Variants in TET1 observed in about 807,000 individuals in gnomAD.
The protein encoded by TET1 is methylcytosine dioxygenase TET1.
In TET1, 13 loss-of-function variants were observed where a neutral mutation model predicts 148.7. That is an observed-to-expected ratio of 0.09 (90% CI 0.06 to 0.14). The LOEUF is 0.14. Ranked by LOEUF, TET1 falls within the 10% of genes least tolerant of loss-of-function variation. The pLI, the probability that TET1 is intolerant of heterozygous loss-of-function variation, is 1.00. For missense variants in TET1, 2,182 were observed against 2,553.8 expected (o/e 0.85, Z 3.14); for synonymous variants, 907 against 937.2 (o/e 0.97, Z 0.59).
chr10:68,578,345 A>T (rs1424810596), intron 2 of TET1, among the ~76,000 whole-genome samples: 1 of 151,718 alleles, frequency 6.6e-6, no homozygotes, highest in Non-Finnish European at 1.5e-5. Context: ...TGCGACCTCC[A>T]CCTCCCGGGT....
intron 2 of TET1, among the ~76,000 whole-genome samples, chr10:68,597,730 G>A (rs550859580): frequency 6.6e-6 from 1 of 152,126 alleles, no homozygotes; most frequent in Non-Finnish European, 1.5e-5. Flanking sequence ...AACAAAATGT[G>A]TTATGTACAT....
chr10:68,669,458 C>T (rs923285097), intron 7 of TET1, among the ~76,000 whole-genome samples: 84 of 144,686 alleles, frequency 5.8e-4, no homozygotes, highest in Non-Finnish European at 1.2e-3. Context: ...CTACAGGCGC[C>T]TGCCACCATG....
chr10:68,669,507 T>C (rs1336277363), intron 7 of TET1, among the ~76,000 whole-genome samples: 1 of 142,924 alleles, frequency 7.0e-6, no homozygotes, highest in Non-Finnish European at 1.5e-5. Context: ...TTTTTTGTAT[T>C]TTTTGGGGGG....
intron 2 of TET1, among the ~76,000 whole-genome samples, chr10:68,580,967 C>T (rs991861448): frequency 6.6e-6 from 1 of 151,884 alleles, no homozygotes; most frequent in Non-Finnish European, 1.5e-5. Context: ...GACTGTGTCT[C>T]AGAAAATATG....
At chr10:68,610,728 G>T (rs926797337) in intron 3 of TET1, among the ~76,000 whole-genome samples, 1 of 152,060 alleles carries the variant, frequency 6.6e-6, no homozygotes, top group African/African-American at 2.4e-5. Context: ...TGTGATCATG[G>T]CTCACTGCAG....
At chr10:68,624,646 T>C (rs1433539211) in intron 3 of TET1, among the ~76,000 whole-genome samples, 60 of 54,034 alleles carry the variant, frequency 1.1e-3, no homozygotes, top group Admixed American at 5.0e-3. Flanking sequence ...CTTTCTTTCT[T>C]TCTTTCTTTC....
intron 2 of TET1, among the ~76,000 whole-genome samples, chr10:68,576,082 A>G (rs959624391): frequency 6.7e-6 from 1 of 149,374 alleles, no homozygotes; most frequent in African/African-American, 2.5e-5. Flanking sequence ...GAGGCTGGTC[A>G]TGGTGGCTCA....
Position 68,605,563 on chromosome 10 carries a change from G to A in TET1, c.1968+4529G>A, listed in dbSNP as rs2054112656. Among the ~76,000 whole-genome samples, 3 of 152,068 alleles carry A rather than the reference G, an allele frequency of 2.0e-5. 1 individual carries two copies. Among genetic ancestry groups the A allele is most frequent in the Admixed American group, 2.0e-4 (3 of 15,264 alleles). On this transcript the variant is annotated intron_variant, in intron 3 of 11. Transcript: ENST00000373644. ...GAGTCTCACTCTGTCACTAAGGCTG[G>A]AGTGCAGTGGTGCAGTCTTGGCTCA...
intron 3 of TET1, among the ~76,000 whole-genome samples, chr10:68,639,762 C>T (rs529558315): frequency 1.5e-4 from 23 of 151,738 alleles, no homozygotes; most frequent in Non-Finnish European, 2.5e-4. Flanking sequence ...CACCATGCCC[C>T]GCCCTTTCTG....
chr10:68,658,895 T>C (rs1554809542), intron 6 of TET1, among the ~76,000 whole-genome samples: 1 of 152,140 alleles, frequency 6.6e-6, no homozygotes, highest in Non-Finnish European at 1.5e-5. Flanking sequence ...AAATAGTATT[T>C]TAAAAATTAG....
At chr10:68,679,088 A>C (rs1308751870) in intron 8 of TET1, among the ~76,000 whole-genome samples, 1 of 152,036 alleles carries the variant, frequency 6.6e-6, no homozygotes, top group Non-Finnish European at 1.5e-5. Flanking sequence ...GAGGCAGGAG[A>C]ATTGCTTGAA....
At position 68,694,005 on chromosome 10, in the gene TET1, C is replaced by T. The variant is rs751231377; in HGVS notation, c.*2191C>T. The T allele has an allele frequency of 8.7e-6, 2 of 230,674 alleles. No individual in the cohort carries two copies. Among genetic ancestry groups the T allele is most frequent in the African/African-American group, 2.2e-5 (1 of 45,320 alleles). The allele number at this position is 230,674 out of a possible 1,614,324, so 14.3% of individuals were successfully genotyped here. A position where few individuals can be genotyped will look rare whatever the true frequency, so the allele number is the denominator to read the frequency against. On this transcript the variant is annotated 3_prime_UTR_variant, in exon 12 of 12. Transcript: ENST00000373644. ...TAGTAAACTTGAAGAATAAAAACTA[C>T]CCTCAGAAATATTTTTAAAAGAAGT...
At chr10:68,595,506 A>G (rs1037754802) in intron 2 of TET1, among the ~76,000 whole-genome samples, 8 of 151,478 alleles carry the variant, frequency 5.3e-5, no homozygotes, top group African/African-American at 1.9e-4. Flanking sequence ...TTGTACTTAC[A>G]GTTTCTTATC....
At chr10:68,582,748 A>C (rs1316420168) in intron 2 of TET1, among the ~76,000 whole-genome samples, 1 of 152,122 alleles carries the variant, frequency 6.6e-6, no homozygotes, top group Non-Finnish European at 1.5e-5. Context: ...CATATGTTAC[A>C]TATGGCATAT....
At chr10:68,676,266 ATATTTTT>A (rs1423780294) in intron 8 of TET1, among the ~76,000 whole-genome samples, 10 of 16,018 alleles carry the variant, frequency 6.2e-4, no homozygotes, top group African/African-American at 1.7e-3. Context: ...ATATATATAT[ATATTTTT>A]TTTTTTTTTT....
At chr10:68,599,956 C>G (rs2054033100) in intron 2 of TET1, among the ~76,000 whole-genome samples, 1 of 152,166 alleles carries the variant, frequency 6.6e-6, no homozygotes. Flanking sequence ...TTTTCCTTTT[C>G]AGTGGCTTTA....
rs931658683 is a variant in TET1 at position 68,632,734 on chromosome 10, T to C, written c.1969-11964T>C. On this transcript the variant is annotated intron_variant, in intron 3 of 11. Coordinates refer to ENST00000373644, the MANE Select transcript of TET1 (RefSeq NM_030625.3). ...CGGCGGCAGCAGCAATTGAACAATC[T>C]TGAGCATAGAAAAGAAGTCAATGTA... 1.9e-6 allele frequency: 3 copies of C among 1,603,308 alleles called. No homozygotes were observed. The African/African-American group carries it at 4.1e-5, about 22-fold the overall frequency.
intron 2 of TET1, among the ~76,000 whole-genome samples, chr10:68,582,891 G>GA (rs1006870396): frequency 9.2e-5 from 14 of 151,974 alleles, no homozygotes; most frequent in African/African-American, 2.7e-4. Context: ...TGGACTTGGG[G>GA]AAAAAAACCA....
chr10:68,676,250 ATATATATATATATATATATTTTTTTTTTT>A (rs2055351885), intron 8 of TET1, among the ~76,000 whole-genome samples: 2 of 31,998 alleles, frequency 6.3e-5, no homozygotes, highest in African/African-American at 1.5e-4. Context: ...ATATATATAT[ATATATATATATATATATATTTTTTTTTTT>A]TTTTTTTTTT....
Sources: allele counts gnomAD v4.1 joint callset (sites outside exome capture counted in the v4.1 genomes callset), GRCh38; gene constraint gnomAD v4.1.1; transcripts MANE v1.5; gene names NCBI Gene and HGNC (gene_info 2026-07-23, HGNC 2026-07-21).